CNTN3: variants seen among roughly 807,000 people sequenced by gnomAD.
CNTN3 encodes the protein contactin-3.
A neutral mutation model predicts 119.1 loss-of-function variants in CNTN3; 60 were observed. That is an observed-to-expected ratio of 0.50 (90% CI 0.41 to 0.62). CNTN3 has a LOEUF of 0.62. CNTN3 is among the 20% of genes least tolerant of loss of function. The probability of loss-of-function intolerance (pLI) is 0.00; values close to 1 mark genes in which losing one functional copy is unlikely to be tolerated. For missense variants in CNTN3, 1,101 were observed against 1,242.4 expected (o/e 0.89, Z 1.71); for synonymous variants, 450 against 438.7 (o/e 1.03, Z -0.32).
intron 11 of CNTN3, among the ~76,000 whole-genome samples, chr3:74,359,239 A>G (rs6549589): frequency 0.28 from 42,649 of 152,040 alleles, 6,163 homozygotes; most frequent in Middle Eastern, 0.33. Flanking sequence ...AACAAACAAA[A>G]AAATTCTTTT....
At chr3:74,396,151 A>G (rs1391464104) in intron 5 of CNTN3, among the ~76,000 whole-genome samples, 1 of 152,152 alleles carries the variant, frequency 6.6e-6, no homozygotes, top group Non-Finnish European at 1.5e-5. Flanking sequence ...TTATCCTACA[A>G]TGGCCTCTAA....
At chr3:74,475,801 G>A (rs1427827217) in intron 4 of CNTN3, among the ~76,000 whole-genome samples, 1 of 152,136 alleles carries the variant, frequency 6.6e-6, no homozygotes, top group Non-Finnish European at 1.5e-5. Context: ...GTACTTTCAA[G>A]GTCATTCACA....
At chr3:74,279,340 A>C (rs796880047) in intron 20 of CNTN3, among the ~76,000 whole-genome samples, 10 of 152,322 alleles carry the variant, frequency 6.6e-5, no homozygotes, top group African/African-American at 2.4e-4. Flanking sequence ...TCACAATTGC[A>C]AAAATGTGGA....
At position 74,347,714 on chromosome 3, in the gene CNTN3, A is replaced by T. The variant is rs767983494; in HGVS notation, c.1365-11056T>A. Among the ~76,000 whole-genome samples, 24 of 152,238 alleles carry T rather than the reference A, an allele frequency of 1.6e-4. 1 individual carries two copies. Among genetic ancestry groups the T allele is most frequent in the Non-Finnish European group, 3.4e-4 (23 of 68,042 alleles). ...GTATCCTCAGAGCCTTACACATGGCAGAGCACGTGGTAGGTGTTCCAGATT... is the reference window on the plus strand; with the variant it reads ...GTATCCTCAGAGCCTTACACATGGCTGAGCACGTGGTAGGTGTTCCAGATT... On this transcript the variant is annotated intron_variant, in intron 11 of 22. Coordinates refer to ENST00000263665, the MANE Select transcript of CNTN3 (RefSeq NM_020872.3).
rs538386177 is a variant in CNTN3, at chr3:74,460,760, A to G, written c.358+25696T>C. On this transcript the variant is annotated intron_variant, in intron 4 of 22. Coordinates refer to ENST00000263665, the MANE Select transcript of CNTN3 (RefSeq NM_020872.3). ...ACCATCTAAAAGTAGAGATAGTTTT[A>G]TTTCTTATTTTCATATATATATATA... Among the ~76,000 whole-genome samples the G allele has an allele frequency of 2.7e-5, 3 of 112,838 alleles. No homozygotes were observed. In the East Asian group the frequency reaches 1.0e-3, roughly 39 times the overall value. The allele number at this position is 112,838 out of a possible 152,430, so 74.0% of individuals were successfully genotyped here. A position where few individuals can be genotyped will look rare whatever the true frequency, so the allele number is the denominator to read the frequency against.
Position 74,551,018 on chromosome 3 carries a change from G to C in CNTN3, c.-80-29826C>G, listed in dbSNP as rs1575823620. On this transcript the variant is annotated intron_variant, in intron 1 of 22. Transcript: ENST00000263665. ...AGTCCCCAATACGGACTAGCCTTTA[G>C]GAAACCAACATGCCACTTGGCAGTA... Among the ~76,000 whole-genome samples the C allele has an allele frequency of 2.0e-5, 3 of 152,284 alleles. No homozygotes were observed. In the Middle Eastern group the frequency reaches 0.01, roughly 518 times the overall value.
Position 74,302,675 on chromosome 3 carries a change from G to T in CNTN3, c.1786+15C>A. On this transcript the variant is annotated intron_variant, in intron 14 of 22. Transcript: ENST00000263665. ...GATGTGAAGTGACAAACTCAAGGGG[G>T]CATAAATGTTTTACCTCTTACTATG... 4 of 1,466,070 alleles carry T rather than the reference G, an allele frequency of 2.7e-6. No individual in the cohort carries two copies. Among genetic ancestry groups the T allele is most frequent in the Non-Finnish European group, 3.8e-6 (4 of 1,047,074 alleles). 90.8% of individuals were successfully genotyped at this position (1,466,070 alleles called of 1,614,324 possible).
chr3:74,462,929 T>C (rs1702396282), intron 4 of CNTN3, among the ~76,000 whole-genome samples: 1 of 152,138 alleles, frequency 6.6e-6, no homozygotes, highest in Admixed American at 6.6e-5. Context: ...TGTTAATCTC[T>C]TCCTACTCTG....
intron 13 of CNTN3, among the ~76,000 whole-genome samples, chr3:74,312,448 T>G (rs1239260008): frequency 1.2e-5 from 1 of 86,920 alleles, no homozygotes; most frequent in Non-Finnish European, 1.9e-5. Flanking sequence ...AGAGTGAGAC[T>G]CCATCTCAAA....
intron 1 of CNTN3, among the ~76,000 whole-genome samples, chr3:74,530,517 G>T (rs1282241588): frequency 6.6e-6 from 1 of 151,836 alleles, no homozygotes; most frequent in Non-Finnish European, 1.5e-5. Flanking sequence ...GCTGCCTTTG[G>T]AGGGATGCAG....
At position 74,371,158 on chromosome 3, in the gene CNTN3, A is replaced by G. The variant is rs775071330; in HGVS notation, c.658+38T>C. 27 of 1,481,924 alleles carry G rather than the reference A, an allele frequency of 1.8e-5. No homozygotes were observed. The East Asian group carries it at 5.7e-4, about 31-fold the overall frequency. 91.8% of individuals were successfully genotyped at this position (1,481,924 alleles called of 1,614,324 possible). A position where few individuals can be genotyped will look rare whatever the true frequency, so the allele number is the denominator to read the frequency against. ...TGCTTTTGTTTGCAGCCTCAGCACC[A>G]TTTACGCTCAGAAGTGCACTTGGAG... On this transcript the variant is annotated intron_variant, in intron 6 of 22. Transcript: ENST00000263665.
At chr3:74,408,636 C>G (rs577713842) in intron 5 of CNTN3, among the ~76,000 whole-genome samples, 2 of 152,040 alleles carry the variant, frequency 1.3e-5, no homozygotes, top group Admixed American at 1.3e-4. Context: ...TCCCAATTTA[C>G]GGCAGAGATT....
chr3:74,322,294 C>A (rs1703015331), intron 13 of CNTN3, among the ~76,000 whole-genome samples: 1 of 151,376 alleles, frequency 6.6e-6, no homozygotes, highest in Non-Finnish European at 1.5e-5. Flanking sequence ...TCTCTTAAAA[C>A]TTCCCAATAC....
intron 5 of CNTN3, among the ~76,000 whole-genome samples, chr3:74,418,688 C>G (rs1230784751): frequency 6.6e-6 from 1 of 151,762 alleles, no homozygotes; most frequent in East Asian, 2.0e-4. Context: ...TTTAGAGATT[C>G]ATCTCTATAT....
At chr3:74,504,040 T>C (rs970901153) in intron 2 of CNTN3, among the ~76,000 whole-genome samples, 4 of 152,106 alleles carry the variant, frequency 2.6e-5, no homozygotes, top group African/African-American at 4.8e-5. Context: ...CTCTATACAA[T>C]TTTTATGAAG....
intron 5 of CNTN3, among the ~76,000 whole-genome samples, chr3:74,387,146 T>G (rs1454204783): frequency 6.6e-6 from 1 of 152,174 alleles, no homozygotes; most frequent in Non-Finnish European, 1.5e-5. Context: ...CCAATCAGAT[T>G]GAATGGTGGA....
intron 20 of CNTN3, among the ~76,000 whole-genome samples, chr3:74,277,224 C>T (rs1289351049): frequency 1.3e-5 from 2 of 151,814 alleles, no homozygotes; most frequent in African/African-American, 4.8e-5. Flanking sequence ...CCTGTTTACA[C>T]TATTCAGCAA....
chr3:74,276,931 T>G (rs1405120440), intron 20 of CNTN3, among the ~76,000 whole-genome samples: 6 of 152,052 alleles, frequency 3.9e-5, no homozygotes, highest in African/African-American at 1.4e-4. Context: ...ATAACTTCAC[T>G]AAGAAATGAT....
chr3:74,279,212 T>C (rs551024889), intron 20 of CNTN3, among the ~76,000 whole-genome samples: 97 of 152,250 alleles, frequency 6.4e-4, no homozygotes, highest in South Asian at 2.1e-3. Flanking sequence ...GATTCCTTAA[T>C]GAACAAAAGT....
Sources: gnomAD v4.1 joint callset for allele counts (sites outside exome capture counted in the v4.1 genomes callset) on GRCh38, gnomAD v4.1.1 for gene constraint, MANE v1.5 for transcripts, NCBI Gene and HGNC (gene_info 2026-07-23, HGNC 2026-07-21) for gene names.